The following ANO10 variants were observed in gnomAD, a reference collection of about 807,000 sequenced individuals.
ANO10 encodes anoctamin 10, also known as anoctamin-10.
ANO10 carries 77 observed loss-of-function variants against 74.7 expected under a neutral mutation model. The observed-to-expected ratio is 1.03, with a 90% CI of 0.86 to 1.25. The LOEUF (loss-of-function observed/expected upper bound fraction) is 1.25, where lower values mean the gene tolerates loss of function less well. Ranked by LOEUF, ANO10 falls within the 50% of genes most tolerant of loss-of-function variation. The probability of loss-of-function intolerance (pLI) is 0.00; values close to 1 mark genes in which losing one functional copy is unlikely to be tolerated. For missense variants in ANO10, 721 were observed against 778.1 expected (o/e 0.93, Z 0.87); for synonymous variants, 279 against 284.9 (o/e 0.98, Z 0.21).
intron 1 of ANO10, among the ~76,000 whole-genome samples, chr3:43,654,485 G>A (rs7649718): frequency 0.021 from 3,210 of 152,226 alleles, 67 homozygotes; most frequent in African/African-American, 0.052. Flanking sequence ...AAATGTTGCA[G>A]TGGAGGTCCC....
rs146714929 is a variant in ANO10 at position 43,393,827 on chromosome 3, T to C, written c.1915-26853A>G. ...TCCCCTTTCCAATCTCCTCCTCCAA[T>C]GCTCAGAGACTTTGGTCTCTCTCTC... On this transcript the variant is annotated intron_variant, in intron 12 of 12. Transcript: ENST00000292246. Among the ~76,000 whole-genome samples, 110 of 152,220 alleles carry C rather than the reference T, an allele frequency of 7.2e-4. 2 individuals are homozygous for C. In the East Asian group the frequency reaches 0.02, roughly 28 times the overall value.
intron 12 of ANO10, among the ~76,000 whole-genome samples, chr3:43,396,854 G>A (rs1033833923): frequency 6.6e-6 from 1 of 151,634 alleles, no homozygotes; most frequent in Non-Finnish European, 1.5e-5. Flanking sequence ...GTGTCTTTAA[G>A]TTTACTAATT....
chr3:43,412,933 C>T (rs1322779592), intron 12 of ANO10, among the ~76,000 whole-genome samples: 1 of 152,154 alleles, frequency 6.6e-6, no homozygotes, highest in East Asian at 1.9e-4. Flanking sequence ...CGCCTGTAGT[C>T]CCAGCTACTC....
chr3:43,385,409 T>C (rs1017404907), intron 12 of ANO10, among the ~76,000 whole-genome samples: 4 of 152,192 alleles, frequency 2.6e-5, no homozygotes, highest in African/African-American at 9.7e-5. Context: ...CACTACTAGG[T>C]ATCTCCCCAG....
chr3:43,382,012 T>G (rs1400572683), intron 12 of ANO10, among the ~76,000 whole-genome samples: 3 of 152,172 alleles, frequency 2.0e-5, no homozygotes, highest in African/African-American at 7.2e-5. Flanking sequence ...AAAAATTATT[T>G]GAACTGAATA....
intron 1 of ANO10, among the ~76,000 whole-genome samples, chr3:43,670,883 G>C (rs544371037): frequency 6.6e-6 from 1 of 152,308 alleles, no homozygotes; most frequent in Admixed American, 6.5e-5. Context: ...CCTGGAGTGT[G>C]CCTAAGCAAA....
intron 12 of ANO10, among the ~76,000 whole-genome samples, chr3:43,408,387 C>A (rs1417609034): frequency 6.6e-6 from 1 of 152,122 alleles, no homozygotes; most frequent in Non-Finnish European, 1.5e-5. Context: ...TTTTAAAGTA[C>A]CAAATGAAAA....
chr3:43,382,576 CAAACAA>C (rs2091998596), intron 12 of ANO10, among the ~76,000 whole-genome samples: 1 of 149,944 alleles, frequency 6.7e-6, no homozygotes, highest in Non-Finnish European at 1.5e-5. Context: ...AACAAACAAA[CAAACAA>C]AAACAATACA....
chr3:43,674,299 ACAGC>A, intron 1 of ANO10, among the ~76,000 whole-genome samples: 1 of 152,106 alleles, frequency 6.6e-6, no homozygotes, highest in Non-Finnish European at 1.5e-5. Context: ...ATCACCATAC[ACAGC>A]TAATTGTTTA....
At chr3:43,460,019 T>C (rs983534455) in intron 11 of ANO10, among the ~76,000 whole-genome samples, 2 of 152,136 alleles carry the variant, frequency 1.3e-5, no homozygotes, top group African/African-American at 4.8e-5. Flanking sequence ...TCCATTTATC[T>C]CTCATATCCA....
At chr3:43,477,220 CA>C (rs747644642) in intron 11 of ANO10, among the ~76,000 whole-genome samples, 4 of 152,076 alleles carry the variant, frequency 2.6e-5, no homozygotes, top group Non-Finnish European at 5.9e-5. Flanking sequence ...TGAGAAGATA[CA>C]GTATTATTGT....
At chr3:43,485,014 G>C (rs2076414618) in intron 11 of ANO10, 2 of 1,466,642 alleles carry the variant, frequency 1.4e-6, no homozygotes, top group East Asian at 4.8e-5. Context: ...GGCGTGGCTT[G>C]TGCTGACGGC....
At chr3:43,599,774 C>T (rs781371154) in intron 3 of ANO10, among the ~76,000 whole-genome samples, 14 of 151,882 alleles carry the variant, frequency 9.2e-5, no homozygotes, top group Non-Finnish European at 2.1e-4. Flanking sequence ...GGTGTGGTGG[C>T]GGGCGCCTGT....
intron 12 of ANO10, among the ~76,000 whole-genome samples, chr3:43,387,160 G>A (rs2092145109): frequency 6.6e-6 from 1 of 152,198 alleles, no homozygotes; most frequent in South Asian, 2.1e-4. Flanking sequence ...CTGCTAGGCT[G>A]CGAATCTGCC....
intron 1 of ANO10, among the ~76,000 whole-genome samples, chr3:43,650,442 CT>C (rs1322095254): frequency 6.6e-6 from 1 of 151,970 alleles, no homozygotes; most frequent in Non-Finnish European, 1.5e-5. Flanking sequence ...GTCTGGTGTC[CT>C]TTTTGGGTAG....
At chr3:43,538,673 A>G (rs2078823967) in intron 11 of ANO10, among the ~76,000 whole-genome samples, 1 of 152,218 alleles carries the variant, frequency 6.6e-6, no homozygotes, top group South Asian at 2.1e-4. Context: ...GGCAGACTCC[A>G]GCTGGTCTTT....
intron 4 of ANO10, among the ~76,000 whole-genome samples, chr3:43,592,973 C>T (rs188179943): frequency 3.3e-5 from 5 of 152,304 alleles, no homozygotes; most frequent in African/African-American, 9.6e-5. Context: ...GCACAAGCTT[C>T]AGTAGCTGAT....
At chr3:43,557,542 T>C (rs2079811984) in intron 9 of ANO10, among the ~76,000 whole-genome samples, 1 of 151,726 alleles carries the variant, frequency 6.6e-6, no homozygotes, top group South Asian at 2.1e-4. Flanking sequence ...GAGACCATCC[T>C]GGCTAACATG....
chr3:43,497,131 G>C (rs1486807547), intron 11 of ANO10, among the ~76,000 whole-genome samples: 1 of 152,148 alleles, frequency 6.6e-6, no homozygotes, highest in African/African-American at 2.4e-5. Flanking sequence ...AAAGATTTTT[G>C]TGATTTTGAA....
Sources: gnomAD v4.1 joint callset for allele counts (sites outside exome capture counted in the v4.1 genomes callset) on GRCh38, gnomAD v4.1.1 for gene constraint, MANE v1.5 for transcripts, NCBI Gene and HGNC (gene_info 2026-07-23, HGNC 2026-07-21) for gene names.